SAMD12: variants seen among roughly 807,000 people sequenced by gnomAD.
SAMD12 encodes the protein sterile alpha motif domain containing 12, also known as sterile alpha motif domain-containing protein 12.
A neutral mutation model predicts 15.0 loss-of-function variants in SAMD12; 9 were observed. The ratio of observed to expected loss-of-function variants is 0.60; its 90% confidence interval spans 0.36 to 1.05. The LOEUF (loss-of-function observed/expected upper bound fraction) is 1.05, where lower values mean the gene tolerates loss of function less well. Ranked by LOEUF, SAMD12 falls within the 50% of genes least tolerant of loss-of-function variation. The pLI, the probability that SAMD12 is intolerant of heterozygous loss-of-function variation, is 0.01. For missense variants in SAMD12, 230 were observed against 234.2 expected (o/e 0.98, Z 0.12); for synonymous variants, 86 against 90.1 (o/e 0.96, Z 0.25).
chr8:118,580,037 T>C lies in SAMD12; in HGVS notation c.192+678A>G, dbSNP rs140495094. Among the ~76,000 whole-genome samples, 664 of 152,290 alleles carry C rather than the reference T, an allele frequency of 4.4e-3. 3 individuals are homozygous for C. The highest frequency in any genetic ancestry group is 0.015 in the African/African-American group (633 of 41,564). On this transcript the variant is annotated intron_variant, in intron 2 of 3. Coordinates refer to ENST00000314727, the MANE Select transcript of SAMD12 (RefSeq NM_207506.3). Reference sequence around the variant, plus strand: ...TATTTTGTCAGTTCTCTGTTACCTATGTTTAGGTTAAAGACTGAAAAGAAC... The same window carrying C: ...TATTTTGTCAGTTCTCTGTTACCTACGTTTAGGTTAAAGACTGAAAAGAAC...
Position 118,519,889 on chromosome 8 carries a change from T to C in SAMD12, c.192+60826A>G, listed in dbSNP as rs186612851. On this transcript the variant is annotated intron_variant, in intron 2 of 3. Transcript: ENST00000314727. ...TTTGACTAATAAAGCCACAGCAACA[T>C]TATGATCAAGCTATAAGAGTACCTT... Among the ~76,000 whole-genome samples the C allele has an allele frequency of 3.7e-3, 570 of 152,284 alleles. 4 individuals carry two copies. Among genetic ancestry groups the C allele is most frequent in the Admixed American group, 9.5e-3 (145 of 15,286 alleles).
At chr8:118,599,233 C>G (rs996532922) in intron 1 of SAMD12, among the ~76,000 whole-genome samples, 6 of 152,154 alleles carry the variant, frequency 3.9e-5, no homozygotes, top group African/African-American at 1.4e-4. Flanking sequence ...AGCAGAGATG[C>G]AACATGTCCA....
chr8:118,467,470 C>T (rs1397578243), intron 2 of SAMD12, among the ~76,000 whole-genome samples: 4 of 152,028 alleles, frequency 2.6e-5, no homozygotes, highest in East Asian at 1.9e-4. Context: ...GCTGTGCTAC[C>T]TCTACTTTAA....
chr8:118,272,887 C>T (rs1813399878), intron 4 of SAMD12, among the ~76,000 whole-genome samples: 1 of 152,214 alleles, frequency 6.6e-6, no homozygotes, highest in Non-Finnish European at 1.5e-5. Context: ...ATCTGCCTGT[C>T]TCCTGAGCTC....
At chr8:118,318,325 T>TAC (rs1816035466) in intron 4 of SAMD12, among the ~76,000 whole-genome samples, 1 of 25,222 alleles carries the variant, frequency 4.0e-5, no homozygotes, top group Admixed American at 2.8e-4. Flanking sequence ...TATATATATA[T>TAC]ATATATATAT....
rs533339821 is a variant in SAMD12 at position 118,399,420 on chromosome 8, CCTT to C, written c.323-19723_323-19721del. Among the ~76,000 whole-genome samples, 17 of 152,240 alleles carry C rather than the reference CCTT, an allele frequency of 1.1e-4. No individual in the cohort carries two copies. The South Asian group carries it at 3.3e-3, about 30-fold the overall frequency. On this transcript the variant is annotated intron_variant, in intron 3 of 3. Transcript: ENST00000314727. ...CTGCTTGCTGCTGACAGCTGACAGTCCTTCTGGGAATTTCCTGGATCTAAGAAG... is the reference window on the plus strand; with the variant it reads ...CTGCTTGCTGCTGACAGCTGACAGTCCTGGGAATTTCCTGGATCTAAGAAG...
intron 4 of SAMD12, among the ~76,000 whole-genome samples, chr8:118,334,329 T>C (rs1816953104): frequency 6.6e-6 from 1 of 152,104 alleles, no homozygotes; most frequent in South Asian, 2.1e-4. Flanking sequence ...CTTTGGTGCA[T>C]GAAACAATGA....
chr8:118,611,889 T>C (rs1828121695), intron 1 of SAMD12, among the ~76,000 whole-genome samples: 1 of 152,140 alleles, frequency 6.6e-6, no homozygotes, highest in African/African-American at 2.4e-5. Flanking sequence ...TTGGAAGCAA[T>C]CCCACTATCA....
chr8:118,299,052 T>C (rs990259989), intron 4 of SAMD12, among the ~76,000 whole-genome samples: 2 of 152,186 alleles, frequency 1.3e-5, no homozygotes, highest in African/African-American at 4.8e-5. Flanking sequence ...TGTTCTTATA[T>C]CTGGGAAAAG....
In SAMD12 at chr8:118,331,216, T is replaced by C. The variant is rs145400297; in HGVS notation, c.433+48344A>G. Among the ~76,000 whole-genome samples the C allele has an allele frequency of 5.7e-3, 870 of 152,170 alleles. 6 individuals are homozygous for C. Among genetic ancestry groups the C allele is most frequent in the African/African-American group, 0.02 (831 of 41,530 alleles). ...GTGAAAGTGATCAAAGGAAAAAAGA[T>C]GGACTAAGAACATGGACTTAGTATA... On this transcript the variant is annotated intron_variant, in intron 4 of 4. Coordinates refer to the SAMD12 transcript ENST00000409003.
At chr8:118,256,814 ACACACACG>A (rs1812951769) in intron 4 of SAMD12, among the ~76,000 whole-genome samples, 3 of 148,398 alleles carry the variant, frequency 2.0e-5, no homozygotes, top group African/African-American at 7.7e-5. Flanking sequence ...ACACACACAC[ACACACACG>A]CACACATTCT....
chr8:118,456,654 A>T (rs767611868), intron 2 of SAMD12, among the ~76,000 whole-genome samples: 4 of 152,238 alleles, frequency 2.6e-5, no homozygotes, highest in Non-Finnish European at 4.4e-5. Context: ...TAAAAAGCCC[A>T]GGAGTGGCCT....
intron 2 of SAMD12, among the ~76,000 whole-genome samples, chr8:118,544,284 G>A (rs1381262197): frequency 6.6e-6 from 1 of 152,118 alleles, no homozygotes; most frequent in Admixed American, 6.5e-5. Context: ...AGTTCTAAGG[G>A]CTTGGTAAAG....
chr8:118,379,312 A>T lies in SAMD12; in HGVS notation c.*105T>A. On this transcript the variant is annotated 3_prime_UTR_variant, in exon 4 of 4. Transcript: ENST00000314727. Reference sequence around the variant, plus strand: ...TACACAATCCATACAACTGTACGTGACCACCTTGAAGTTAGCTCAGGTAAT... The same window carrying T: ...TACACAATCCATACAACTGTACGTGTCCACCTTGAAGTTAGCTCAGGTAAT... The T allele has an allele frequency of 6.7e-7, 1 of 1,490,086 alleles. No individual in the cohort carries two copies. The highest frequency in any genetic ancestry group is 8.9e-7 in the Non-Finnish European group (1 of 1,124,562). The allele number at this position is 1,490,086 out of a possible 1,614,324, so 92.3% of individuals were successfully genotyped here. A position where few individuals can be genotyped will look rare whatever the true frequency, so the allele number is the denominator to read the frequency against.
At chr8:118,182,511 C>T in the SAMD12 span, among the ~76,000 whole-genome samples, 3 of 152,070 alleles carry the variant, frequency 2.0e-5, no homozygotes, top group African/African-American at 2.4e-5. Flanking sequence ...GCTACATTTT[C>T]TCTGGTCCTG....
At chr8:118,473,983 C>G (rs1823885147) in intron 2 of SAMD12, among the ~76,000 whole-genome samples, 1 of 152,166 alleles carries the variant, frequency 6.6e-6, no homozygotes, top group South Asian at 2.1e-4. Context: ...TTTTGAGATG[C>G]AGTCTCATTC....
At chr8:118,270,219 G>A (rs1163686786) in intron 4 of SAMD12, among the ~76,000 whole-genome samples, 1 of 152,120 alleles carries the variant, frequency 6.6e-6, no homozygotes, top group Non-Finnish European at 1.5e-5. Context: ...AACTTCTTCT[G>A]AGTTTATGGA....
At position 118,522,161 on chromosome 8, in the gene SAMD12, CACACACACACACACACAT is replaced by C. The variant is rs1387285976; in HGVS notation, c.192+58536_192+58553del. Among the ~76,000 whole-genome samples, 30 of 64,758 alleles carry C rather than the reference CACACACACACACACACAT, an allele frequency of 4.6e-4. 1 individual carries two copies. The highest frequency in any genetic ancestry group is 4.3e-3 in the African/African-American group (25 of 5,842). 42.5% of individuals were successfully genotyped at this position (64,758 alleles called of 152,430 possible). ...TAACAACTACTGATTCAGTGAAACA[CACACACACACACACACAT>C]ACACACACACACACACACATACACA... On this transcript the variant is annotated intron_variant, in intron 2 of 3. Coordinates refer to ENST00000314727, the MANE Select transcript of SAMD12 (RefSeq NM_207506.3).
chr8:118,285,715 A>G (rs1340221435), intron 4 of SAMD12, among the ~76,000 whole-genome samples: 1 of 152,164 alleles, frequency 6.6e-6, no homozygotes, highest in Non-Finnish European at 1.5e-5. Context: ...AGTTGGGGAT[A>G]ATAATTTAGC....
Sources: gnomAD v4.1 joint callset for allele counts (sites outside exome capture counted in the v4.1 genomes callset) on GRCh38, gnomAD v4.1.1 for gene constraint, MANE v1.5 for transcripts, NCBI Gene and HGNC (gene_info 2026-07-23, HGNC 2026-07-21) for gene names.